The following GPC6 variants were observed in gnomAD, a reference collection of about 807,000 sequenced individuals.
GPC6 encodes glypican-6.
A neutral mutation model predicts 55.2 loss-of-function variants in GPC6; 14 were observed. The ratio of observed to expected loss-of-function variants is 0.25; its 90% CI spans 0.17 to 0.40. The LOEUF (loss-of-function observed/expected upper bound fraction) is 0.40, where lower values mean the gene tolerates loss of function less well. GPC6 is among the 10% of genes least tolerant of loss of function. The probability of loss-of-function intolerance (pLI) is 1.00; values close to 1 mark genes in which losing one functional copy is unlikely to be tolerated. For synonymous variants in GPC6, 278 were observed against 259.6 expected (o/e 1.07, Z -0.68); for missense variants, 641 against 708.5 (o/e 0.90, Z 1.08).
chr13:93,899,416 G>A (rs1362093190), intron 3 of GPC6, among the ~76,000 whole-genome samples: 2 of 151,428 alleles, frequency 1.3e-5, no homozygotes, highest in Non-Finnish European at 2.9e-5. Flanking sequence ...AGTCTTGAAG[G>A]ATGGGTAAGA....
intron 2 of GPC6, among the ~76,000 whole-genome samples, chr13:93,740,150 T>C (rs1265144271): frequency 6.6e-6 from 1 of 152,116 alleles, no homozygotes; most frequent in Admixed American, 6.5e-5. Flanking sequence ...ACCTTTGAAA[T>C]TACAAATCAC....
At chr13:93,283,455 C>T (rs554606422) in intron 1 of GPC6, among the ~76,000 whole-genome samples, 4 of 152,276 alleles carry the variant, frequency 2.6e-5, no homozygotes, top group Non-Finnish European at 4.4e-5. Context: ...AGGGAGTTAA[C>T]AGATGAATAT....
chr13:93,780,594 TACACAC>T lies in GPC6; in HGVS notation c.320-49528_320-49523del, dbSNP rs35134947. On this transcript the variant is annotated intron_variant, in intron 2 of 8. Coordinates refer to ENST00000377047, the MANE Select transcript of GPC6 (RefSeq NM_005708.5). The stretch of plus-strand genomic sequence containing the variant: ...ACTTTATGGTTCACGATCACAAAAA[TACACAC>T]ACACACACACACACACACACACACA... 6.2e-3 allele frequency among the ~76,000 whole-genome samples: 898 copies of T among 143,928 alleles called. 6 individuals are homozygous for T. Among genetic ancestry groups the T allele is most frequent in the African/African-American group, 0.013 (500 of 39,036 alleles). 94.4% of individuals were successfully genotyped at this position (143,928 alleles called of 152,430 possible).
intron 2 of GPC6, among the ~76,000 whole-genome samples, chr13:93,813,045 T>C (rs1259949595): frequency 6.6e-6 from 1 of 152,226 alleles, no homozygotes; most frequent in Admixed American, 6.5e-5. Context: ...TCTACAGGAC[T>C]GCTTTAGATA....
chr13:93,963,654 C>T (rs541866961), intron 3 of GPC6, among the ~76,000 whole-genome samples: 7 of 152,264 alleles, frequency 4.6e-5, no homozygotes, highest in South Asian at 2.1e-4. Flanking sequence ...AAATCATCTC[C>T]GTTAGACAGA....
intron 5 of GPC6, among the ~76,000 whole-genome samples, chr13:94,293,865 T>G (rs192025968): frequency 6.6e-6 from 1 of 152,148 alleles, no homozygotes; most frequent in Non-Finnish European, 1.5e-5. Context: ...CAGCACCAGA[T>G]AGACTTCAGC....
At chr13:93,229,131 A>G (rs994528512) in intron 1 of GPC6, among the ~76,000 whole-genome samples, 1 of 152,194 alleles carries the variant, frequency 6.6e-6, no homozygotes, top group Admixed American at 6.5e-5. Flanking sequence ...TAATTTGTTA[A>G]TCAATGAATA....
intron 6 of GPC6, among the ~76,000 whole-genome samples, chr13:94,378,026 T>C (rs1594222100): frequency 6.6e-6 from 1 of 152,114 alleles, no homozygotes; most frequent in South Asian, 2.1e-4. Flanking sequence ...AAGGGGAACA[T>C]CACACTCTGG....
At chr13:93,649,244 A>C (rs572873100) in intron 2 of GPC6, among the ~76,000 whole-genome samples, 3 of 152,298 alleles carry the variant, frequency 2.0e-5, no homozygotes, top group Admixed American at 2.0e-4. Flanking sequence ...TGAGCTCACG[A>C]GTTCGAGACA....
At chr13:93,679,828 C>CAA (rs11457336) in intron 2 of GPC6, among the ~76,000 whole-genome samples, 8,561 of 146,230 alleles carry the variant, frequency 0.059, 655 homozygotes, top group African/African-American at 0.18. Context: ...GTGTTATGAG[C>CAA]AAAAAAAAAA....
intron 6 of GPC6, among the ~76,000 whole-genome samples, chr13:94,342,298 T>A (rs1305487365): frequency 2.0e-5 from 3 of 152,016 alleles, no homozygotes; most frequent in Non-Finnish European, 4.4e-5. Flanking sequence ...GAGAATAGGG[T>A]CTTTGCAGAT....
At chr13:93,841,177 C>T (rs563501063) in intron 3 of GPC6, among the ~76,000 whole-genome samples, 60 of 152,196 alleles carry the variant, frequency 3.9e-4, no homozygotes, top group African/African-American at 1.3e-3. Flanking sequence ...GCAATATCAG[C>T]GCACTATAGA....
chr13:93,619,514 G>A (rs996021042), intron 2 of GPC6, among the ~76,000 whole-genome samples: 6 of 152,042 alleles, frequency 3.9e-5, no homozygotes, highest in Non-Finnish European at 7.4e-5. Context: ...GTTCAGTGGC[G>A]TGATCATAAC....
chr13:94,394,331 C>A (rs1203009059), intron 7 of GPC6, among the ~76,000 whole-genome samples: 3 of 152,212 alleles, frequency 2.0e-5, no homozygotes, highest in African/African-American at 7.2e-5. Flanking sequence ...GTTGTCCTCA[C>A]TTCTGGCTTC....
chr13:93,254,861 T>G (rs1399995072), intron 1 of GPC6, among the ~76,000 whole-genome samples: 3 of 152,204 alleles, frequency 2.0e-5, no homozygotes, highest in African/African-American at 2.4e-5. Flanking sequence ...CACACTAATC[T>G]AAGTTGTAAA....
At chr13:93,550,746 A>G (rs1218541155) in intron 2 of GPC6, among the ~76,000 whole-genome samples, 1 of 152,130 alleles carries the variant, frequency 6.6e-6, no homozygotes, top group Non-Finnish European at 1.5e-5. Flanking sequence ...AGGTTTCCAT[A>G]TGGTGATAGC....
At chr13:93,811,612 A>G (rs1309794135) in intron 2 of GPC6, among the ~76,000 whole-genome samples, 1 of 151,908 alleles carries the variant, frequency 6.6e-6, no homozygotes, top group East Asian at 1.9e-4. Flanking sequence ...CCCCTAACAA[A>G]TGGTTTCATG....
chr13:93,579,493 A>G (rs1876835509), intron 2 of GPC6, among the ~76,000 whole-genome samples: 1 of 152,146 alleles, frequency 6.6e-6, no homozygotes, highest in Non-Finnish European at 1.5e-5. Context: ...GTGCAGTAGT[A>G]CAAGATTTTT....
intron 1 of GPC6, among the ~76,000 whole-genome samples, chr13:93,490,515 T>TTG (rs1879940102): frequency 3.2e-5 from 1 of 31,636 alleles, no homozygotes; most frequent in Non-Finnish European, 7.8e-5. Context: ...TTTTTTTGAG[T>TTG]TTTTTTTTTT....
Sources: allele counts gnomAD v4.1 joint callset (sites outside exome capture counted in the v4.1 genomes callset), GRCh38; gene constraint gnomAD v4.1.1; transcripts MANE v1.5; gene names NCBI Gene and HGNC (gene_info 2026-07-23, HGNC 2026-07-21).